KIF23: variants seen among roughly 807,000 people sequenced by gnomAD.
The protein encoded by KIF23 is kinesin family member 23.
KIF23 carries 30 observed loss-of-function variants against 137.5 expected under a neutral mutation model. The ratio of observed to expected loss-of-function variants is 0.22; its 90% CI spans 0.16 to 0.30. The LOEUF (loss-of-function observed/expected upper bound fraction) is 0.30. KIF23 is among the 10% of genes least tolerant of loss of function. The pLI is 1.00. For synonymous variants in KIF23, 367 were observed against 391.1 expected (o/e 0.94, Z 0.73); for missense variants, 920 against 1,194.3 (o/e 0.77, Z 3.38).
chr15:69,414,512 G>C (rs1391182556), intron 1 of KIF23, 36 bp downstream of exon 1: 2 of 1,550,730 alleles, frequency 1.3e-6, no homozygotes, highest in East Asian at 2.4e-5. Context: ...AGAGAGGGCG[G>C]ACGGGGGCCG....
At chr15:69,420,157 G>A (rs1490095952) in intron 3 of KIF23, among the ~76,000 whole-genome samples, 10 of 152,034 alleles carry the variant, frequency 6.6e-5, no homozygotes, top group African/African-American at 4.8e-5. Context: ...ACAGCTACTC[G>A]GGAGGCTGAG....
At chr15:69,446,387 G>T in intron 22 of KIF23, 23 bp downstream of exon 22, 1 of 1,581,674 alleles carries the variant, frequency 6.3e-7, no homozygotes. Context: ...TTAAATATTT[G>T]TCTGCCTACT....
At chr15:69,429,025 C>G (rs919430634) in intron 10 of KIF23, 86 bp from the exon 11 acceptor site, 1 of 878,664 alleles carries the variant, frequency 1.1e-6, no homozygotes, top group Non-Finnish European at 1.8e-6. Flanking sequence ...TTCATTAAGA[C>G]TTAGCTTGTT....
rs778683540 is a variant in KIF23 at position 69,417,496 on chromosome 15, T to C, written c.195T>C (p.Asn65=). The change falls in exon 3 of 24, where the codon AAT becomes AAC. Residue 65 remains asparagine (N), a synonymous_variant. Coordinates refer to ENST00000679126, the MANE Select transcript of KIF23 (RefSeq NM_001367805.3). ...CTGAGGGCTACAGACTCAACCGAAA[T>C]GGAGACTATAAGGAGGTAATTCTGA... is the stretch of plus-strand genomic sequence containing the variant. The part of the protein sequence containing the change: ...HTPEGYRLNR[N]GDYKETQYSF... The C allele has an allele frequency of 3.1e-6, 5 of 1,613,456 alleles. No homozygotes were observed. In the South Asian group the frequency reaches 5.5e-5, roughly 18 times the overall value.
Position 69,446,287 on chromosome 15 carries a change from C to T in KIF23, c.2761C>T (p.Arg921Ter). ...ATCATGTTTCCCCTTTTTCAGTAGT[C>T]GAAAACGAAGATCTTCCACAGTAGC... ...TLKQESPNGS[R>*]KRRSSTVAPA... is the part of the protein sequence containing the mutation. The change falls in exon 22 of 24, where the codon CGA (arginine) becomes TGA (stop). Residue 921 changes from arginine (R) to a stop codon, truncating the protein, a stop_gained. Coordinates refer to ENST00000679126, the MANE Select transcript of KIF23 (RefSeq NM_001367805.3). LOFTEE classifies it high-confidence loss of function. 1 of 1,613,706 alleles carries T rather than the reference C, an allele frequency of 6.2e-7. No individual in the cohort carries two copies. The highest frequency in any genetic ancestry group is 1.1e-5 in the South Asian group (1 of 91,074).
chr15:69,436,760 A>ATTT, intron 15 of KIF23, 38 bp downstream of exon 15: 1 of 1,080,552 alleles, frequency 9.3e-7, no homozygotes, highest in Non-Finnish European at 1.2e-6. Flanking sequence ...TTATTTAATT[A>ATTT]TTTTTTTTTT....
chr15:69,416,344 A>C lies in KIF23; in HGVS notation c.81+281A>C, dbSNP rs2056907141. On this transcript the variant is annotated intron_variant, in intron 2 of 23. Coordinates refer to ENST00000679126, the MANE Select transcript of KIF23 (RefSeq NM_001367805.3). ...GAGAGTTAGATAATTAAAAATCTCC[A>C]ACTGGGTTCATATTCATCCCAGAGA... Among the ~76,000 whole-genome samples, 6 of 152,198 alleles carry C rather than the reference A, an allele frequency of 3.9e-5. No individual in the cohort carries two copies. In the South Asian group the frequency reaches 1.2e-3, roughly 31 times the overall value.
intron 1 of KIF23, 73 bp from the exon 2 acceptor site, chr15:69,415,921 A>G: frequency 9.4e-7 from 1 of 1,067,374 alleles, no homozygotes; most frequent in South Asian, 1.7e-5. Flanking sequence ...AGATTGTATA[A>G]GTTTTAGGTG....
Position 69,446,014 on chromosome 15 carries a change from T to C in KIF23, c.2679T>C (p.Asp893=), listed in dbSNP as rs749581755. 2.5e-6 allele frequency: 4 copies of C among 1,613,032 alleles called. No homozygotes were observed. Among genetic ancestry groups the C allele is most frequent in the East Asian group, 2.2e-5 (1 of 44,850 alleles). The part of the protein sequence containing the change: ...GEIETKLIKG[D]IYKTRGGGQS... Reference sequence around the variant, plus strand: ...ACCTTTTCTTTTGGCTTTAGGGTGATATTTATAAAACAAGGGGTGGTGGAC... The same window carrying C: ...ACCTTTTCTTTTGGCTTTAGGGTGACATTTATAAAACAAGGGGTGGTGGAC... The change falls in exon 21 of 24, where the codon GAT becomes GAC. Residue 893 remains aspartate, a synonymous_variant. Coordinates refer to ENST00000679126, the MANE Select transcript of KIF23 (RefSeq NM_001367805.3).
rs144399164 is a variant in KIF23, at chr15:69,446,452, GA to G, written c.2838+92del. 20 of 1,024,972 alleles carry G rather than the reference GA, an allele frequency of 2.0e-5. No individual in the cohort carries two copies. In the East Asian group the frequency reaches 4.8e-4, roughly 25 times the overall value. 63.5% of individuals were successfully genotyped at this position (1,024,972 alleles called of 1,614,324 possible). On this transcript the variant is annotated intron_variant, in intron 22 of 23. Transcript: ENST00000679126. Reference sequence around the variant, plus strand: ...ACAGCTCTAGATTTTTATGCTCTTTGAAAATGCTGAGGTATAATCTCACATT... The same window carrying G: ...ACAGCTCTAGATTTTTATGCTCTTTGAAATGCTGAGGTATAATCTCACATT...
intron 7 of KIF23, among the ~76,000 whole-genome samples, chr15:69,424,701 T>G (rs1034351909): frequency 6.6e-6 from 1 of 152,048 alleles, no homozygotes; most frequent in African/African-American, 2.4e-5. Context: ...GTGATAGGGG[T>G]CTCACTAGGT....
intron 1 of KIF23, 181 bp downstream of exon 1, chr15:69,414,657 G>A (rs1332001182): frequency 8.1e-6 from 5 of 618,656 alleles, no homozygotes; most frequent in African/African-American, 7.8e-5. Context: ...CTCCGCGGGA[G>A]CCTGGGCGCG....
chr15:69,426,374 C>T lies in KIF23; in HGVS notation c.928C>T (p.Arg310Cys), dbSNP rs150488775. ...KRRIANTHLNRESSRSHSVFN... is the reference protein window; with the variant it reads ...KRRIANTHLNCESSRSHSVFN... The stretch of plus-strand genomic sequence containing the variant: ...ACGTATTGCTAATACCCATTTGAAT[C>T]GTGAGTCCAGCCGTTCCCATAGCGT... The change falls in exon 10 of 24, where the codon CGT becomes TGT. Residue 310 changes from arginine (R) to cysteine (C), a missense_variant. Coordinates refer to ENST00000679126, the MANE Select transcript of KIF23 (RefSeq NM_001367805.3). 9.3e-6 allele frequency: 15 copies of T among 1,613,972 alleles called. No individual in the cohort carries two copies. The African/African-American group carries it at 1.7e-4, about 19-fold the overall frequency.
chr15:69,445,123 A>G lies in KIF23; in HGVS notation c.2673+82A>G, dbSNP rs1037046002. The stretch of plus-strand genomic sequence containing the variant: ...CATTTGTCCTGCTACTCCTTTGGTG[A>G]CACACAGGTAGTGTCAACTGGAACA... On this transcript the variant is annotated intron_variant, in intron 20 of 23. Coordinates refer to ENST00000679126, the MANE Select transcript of KIF23 (RefSeq NM_001367805.3). 8.4e-6 allele frequency: 11 copies of G among 1,301,886 alleles called. No homozygotes were observed. The African/African-American group carries it at 1.6e-4, about 19-fold the overall frequency. 80.6% of individuals were successfully genotyped at this position (1,301,886 alleles called of 1,614,324 possible).
chr15:69,417,296 TTGAA>T (rs3834542), intron 2 of KIF23, 83 bp from the exon 3 acceptor site: 98 of 1,259,484 alleles, frequency 7.8e-5, no homozygotes, highest in South Asian at 1.1e-4. Flanking sequence ...TGAATGTTTG[TTGAA>T]TGAATGAATG....
chr15:69,427,656 G>T (rs978512163), intron 10 of KIF23, among the ~76,000 whole-genome samples: 1 of 152,208 alleles, frequency 6.6e-6, no homozygotes, highest in African/African-American at 2.4e-5. Context: ...TGCCTGGCCT[G>T]CCACAGTACA....
intron 7 of KIF23, among the ~76,000 whole-genome samples, chr15:69,424,945 A>G (rs2140335531): frequency 6.6e-6 from 1 of 152,302 alleles, no homozygotes; most frequent in East Asian, 1.9e-4. Context: ...TCTAAATGAG[A>G]TTATTTTCAA....
intron 13 of KIF23, 159 bp downstream of exon 13, chr15:69,435,930 C>A: frequency 8.2e-7 from 1 of 1,225,120 alleles, no homozygotes; most frequent in Non-Finnish European, 1.1e-6. Context: ...GCTTATAATC[C>A]CAACATGTTG....
At chr15:69,446,480 C>T in intron 22 of KIF23, 116 bp downstream of exon 22, 1 of 759,128 alleles carries the variant, frequency 1.3e-6, no homozygotes, top group Non-Finnish European at 2.2e-6. Context: ...TCTCACATTG[C>T]CAGTGCACCA....
Sources: allele counts gnomAD v4.1 joint callset (sites outside exome capture counted in the v4.1 genomes callset), GRCh38; gene constraint gnomAD v4.1.1; transcripts MANE v1.5; gene names NCBI Gene and HGNC (gene_info 2026-07-23, HGNC 2026-07-21).